RFTN1: variants seen among roughly 807,000 people sequenced by gnomAD.
RFTN1 encodes the protein raftlin, lipid raft linker 1, also known as raftlin.
A neutral mutation model predicts 46.5 loss-of-function variants in RFTN1; 26 were observed. That is an observed-to-expected ratio of 0.56 (90% CI 0.41 to 0.78). The LOEUF is 0.78. Among genes scored for constraint, RFTN1 ranks in the 30% least tolerant of loss-of-function variants. The pLI, the probability that RFTN1 is intolerant of heterozygous loss-of-function variation, is 0.00. For missense variants in RFTN1, 693 were observed against 718.7 expected, an observed-to-expected ratio of 0.96 and a Z score of 0.41; for synonymous variants, 261 against 284.2, an observed-to-expected ratio of 0.92 and a Z score of 0.82.
At chr3:16,377,566 G>C (rs2073824809) in intron 5 of RFTN1, 152 bp downstream of exon 5, 1 of 1,274,790 alleles carries the variant, frequency 7.8e-7, no homozygotes, top group Admixed American at 2.8e-5. Flanking sequence ...AGGTGGCACA[G>C]ATAACTGCTT....
intron 7 of RFTN1, chr3:16,347,542 TCTCTA>T (rs1166071715): frequency 6.6e-6 from 1 of 152,216 alleles, no homozygotes; most frequent in African/African-American, 2.4e-5. Flanking sequence ...CATTTTCAAC[TCTCTA>T]CTCTGCCTTC....
At chr3:16,472,128 A>C (rs970199513) in intron 2 of RFTN1, 2 of 152,136 alleles carry the variant, frequency 1.3e-5, no homozygotes, top group Admixed American at 6.5e-5. Context: ...GCTGTTAAAA[A>C]AAAAAAAGGC....
intron 7 of RFTN1, among the ~76,000 whole-genome samples, chr3:16,333,114 A>G (rs2070489815): frequency 6.6e-6 from 1 of 152,248 alleles, no homozygotes; most frequent in Non-Finnish European, 1.5e-5. Context: ...TTTGTAAAGC[A>G]CATCATAGCA....
In RFTN1 at chr3:16,322,671, G is replaced by A. The variant is rs1001379634; in HGVS notation, c.1332+705C>T. Among the ~76,000 whole-genome samples, 2 of 152,198 alleles carry A rather than the reference G, an allele frequency of 1.3e-5. No individual in the cohort carries two copies. Among genetic ancestry groups the A allele is most frequent in the African/African-American group, 2.4e-5 (1 of 41,448 alleles). On this transcript the variant is annotated intron_variant, in intron 9 of 9. Coordinates refer to ENST00000334133, the MANE Select transcript of RFTN1 (RefSeq NM_015150.2). The surrounding 1 kb of genome is among the most constrained non-coding windows in gnomAD (Gnocchi z 6.2). ...GAAGCATCAGAATCATCTGGCACAAGGGTTGCCGACACTTGCACCTCGTAC... is the reference window on the plus strand; with the variant it reads ...GAAGCATCAGAATCATCTGGCACAAAGGTTGCCGACACTTGCACCTCGTAC...
rs11447361 is a variant in RFTN1, at chr3:16,418,500, C to CAA, written c.333-9019_333-9018dup. Among the ~76,000 whole-genome samples the CAA allele has an allele frequency of 1.6e-4, 24 of 149,304 alleles. No homozygotes were observed. The highest frequency in any genetic ancestry group is 4.9e-4 in the African/African-American group (20 of 40,696). ...TATTTTTGCTTCATTTAGAAATAAT[C>CAA]AAAAAAAAATGGTGACAAACACAAA... On this transcript the variant is annotated intron_variant, in intron 3 of 9. Transcript: ENST00000334133. The surrounding 1 kb of genome is among the most constrained non-coding windows in gnomAD (Gnocchi z 5.0).
chr3:16,485,810 G>A (rs895711063), intron 2 of RFTN1, among the ~76,000 whole-genome samples: 9 of 152,192 alleles, frequency 5.9e-5, no homozygotes, highest in East Asian at 1.9e-4. Flanking sequence ...ATATCACTGC[G>A]ACACCCTTCA....
At chr3:16,349,148 A>G (rs891151713) in intron 7 of RFTN1, 1 of 152,226 alleles carries the variant, frequency 6.6e-6, no homozygotes. Context: ...TGTATAAACT[A>G]AGCTTTTCTC....
At position 16,427,297 on chromosome 3, in the gene RFTN1, G is replaced by A. The variant is rs150931782; in HGVS notation, c.332+6554C>T. Among the ~76,000 whole-genome samples, 828 of 152,314 alleles carry A rather than the reference G, an allele frequency of 5.4e-3. 7 individuals carry two copies. The highest frequency in any genetic ancestry group is 0.024 in the Middle Eastern group (7 of 290). ...CTTCCCAAGAGTCCCCATTCAATGA[G>A]CCAGGCCACTGTAGGGATCTGAGCT... On this transcript the variant is annotated intron_variant, in intron 3 of 9. Coordinates refer to ENST00000334133, the MANE Select transcript of RFTN1 (RefSeq NM_015150.2). This position sits in a 1 kb window ranked among gnomAD's most constrained non-coding sequence, Gnocchi z 5.4.
In RFTN1 at chr3:16,320,579, C is replaced by T. The variant is rs1160205181; in HGVS notation, c.1332+2797G>A. Among the ~76,000 whole-genome samples the T allele has an allele frequency of 6.6e-6, 1 of 152,166 alleles. No homozygotes were observed. Among genetic ancestry groups the T allele is most frequent in the Non-Finnish European group, 1.5e-5 (1 of 68,032 alleles). On this transcript the variant is annotated intron_variant, in intron 9 of 9. Transcript: ENST00000334133. This position sits in a 1 kb window ranked among gnomAD's most constrained non-coding sequence, Gnocchi z 4.5. The stretch of plus-strand genomic sequence containing the variant: ...ATAATGATCACAAATAACTAAAAGC[C>T]CAAAGGAGAGCTCTGAAGGAGAAGA...
chr3:16,433,557 C>T lies in RFTN1; in HGVS notation c.332+294G>A, dbSNP rs552291484. 6.6e-6 allele frequency among the ~76,000 whole-genome samples: 1 copy of T among 152,284 alleles called. No homozygotes were observed. Among genetic ancestry groups the T allele is most frequent in the South Asian group, 2.1e-4 (1 of 4,824 alleles). ...CTAGCCACATCATTCTGGGCATATG[C>T]TTCTTCTGAGGAGACATTTTTCTAG... On this transcript the variant is annotated intron_variant, in intron 3 of 9. Coordinates refer to ENST00000334133, the MANE Select transcript of RFTN1 (RefSeq NM_015150.2). This position sits in a 1 kb window ranked among gnomAD's most constrained non-coding sequence, Gnocchi z 4.4.
intron 9 of RFTN1, among the ~76,000 whole-genome samples, chr3:16,318,855 C>T (rs1017238499): frequency 6.6e-6 from 1 of 152,184 alleles, no homozygotes; most frequent in Non-Finnish European, 1.5e-5. Flanking sequence ...ATGGGTGGAG[C>T]TTCTTCCACC....
At chr3:16,363,347 A>C (rs2072950025) in intron 6 of RFTN1, among the ~76,000 whole-genome samples, 1 of 152,234 alleles carries the variant, frequency 6.6e-6, no homozygotes, top group Non-Finnish European at 1.5e-5. Flanking sequence ...TATGGAAAAC[A>C]TTCCATTATC....
rs894832508 is a variant in RFTN1 at position 16,342,923 on chromosome 3, T to A, written c.1146+15009A>T. Among the ~76,000 whole-genome samples the A allele has an allele frequency of 5.3e-5, 8 of 152,164 alleles. No homozygotes were observed. The highest frequency in any genetic ancestry group is 1.9e-4 in the African/African-American group (8 of 41,430). On this transcript the variant is annotated intron_variant, in intron 7 of 9. Transcript: ENST00000334133. The surrounding 1 kb of genome is among the most constrained non-coding windows in gnomAD (Gnocchi z 4.0). ...GTCTCGATCTCAGCTCACTGCAGCC[T>A]CAACCTCCCAGGCTCAAGTGAGCCT...
rs143553324 is a variant in RFTN1 at position 16,481,801 on chromosome 3, C to T, written c.145+11924G>A. Among the ~76,000 whole-genome samples the T allele has an allele frequency of 6.6e-6, 1 of 152,044 alleles. No individual in the cohort carries two copies. Among genetic ancestry groups the T allele is most frequent in the Non-Finnish European group, 1.5e-5 (1 of 68,010 alleles). Reference sequence around the variant, plus strand: ...CAATGTTACCTAGAGGAGCAAGGAGCGATTTTCTAGGAAAGAAAAATGTTT... The same window carrying T: ...CAATGTTACCTAGAGGAGCAAGGAGTGATTTTCTAGGAAAGAAAAATGTTT... On this transcript the variant is annotated intron_variant, in intron 2 of 9. Coordinates refer to ENST00000334133, the MANE Select transcript of RFTN1 (RefSeq NM_015150.2). This position sits in a 1 kb window ranked among gnomAD's most constrained non-coding sequence, Gnocchi z 5.1.
Position 16,491,777 on chromosome 3 carries a change from A to G in RFTN1, c.145+1948T>C, listed in dbSNP as rs2076542422. Among the ~76,000 whole-genome samples, 3 of 150,244 alleles carry G rather than the reference A, an allele frequency of 2.0e-5. No homozygotes were observed. The South Asian group carries it at 6.3e-4, about 32-fold the overall frequency. The stretch of plus-strand genomic sequence containing the variant: ...ACAAACAAACAAACAAACAAAACAA[A>G]CAAAAAAAAAAAACAACTGCAAATG... On this transcript the variant is annotated intron_variant, in intron 2 of 9. Transcript: ENST00000334133.
intron 4 of RFTN1, among the ~76,000 whole-genome samples, chr3:16,391,860 TTTTTTTTTG>T (rs2074349030): frequency 7.2e-5 from 2 of 27,648 alleles, no homozygotes; most frequent in East Asian, 1.3e-3. Context: ...GTGCAAAGGT[TTTTTTTTTG>T]TTTTTTTTTT....
In RFTN1 at chr3:16,447,421, C is replaced by T. The variant is rs1054472365; in HGVS notation, c.146-13384G>A. Among the ~76,000 whole-genome samples, 2 of 152,194 alleles carry T rather than the reference C, an allele frequency of 1.3e-5. No homozygotes were observed. Among genetic ancestry groups the T allele is most frequent in the African/African-American group, 4.8e-5 (2 of 41,434 alleles). Reference sequence around the variant, plus strand: ...ATCATACACACGAGTTGAGCAGCTCCGGCTCCATTAACCAATTTGCATGCA... The same window carrying T: ...ATCATACACACGAGTTGAGCAGCTCTGGCTCCATTAACCAATTTGCATGCA... On this transcript the variant is annotated intron_variant, in intron 2 of 9. Coordinates refer to ENST00000334133, the MANE Select transcript of RFTN1 (RefSeq NM_015150.2). This position sits in a 1 kb window ranked among gnomAD's most constrained non-coding sequence, Gnocchi z 5.9.
At position 16,377,996 on chromosome 3, in the gene RFTN1, C is replaced by G; in HGVS notation, c.548G>C (p.Ser183Thr). 1.2e-6 allele frequency: 2 copies of G among 1,614,266 alleles called. No homozygotes were observed. Among genetic ancestry groups the G allele is most frequent in the Non-Finnish European group, 1.7e-6 (2 of 1,180,048 alleles). The change falls in exon 5 of 10, where the codon AGC becomes ACC. Residue 183 changes from serine (S) to threonine (T), a missense_variant. Coordinates refer to ENST00000334133, the MANE Select transcript of RFTN1 (RefSeq NM_015150.2). Reference sequence around the variant, plus strand: ...TTTTGCATCTCTGGCATCCTCGGTGCTGTTGGCAGTAGACACCGGAGCACT... The same window carrying G: ...TTTTGCATCTCTGGCATCCTCGGTGGTGTTGGCAGTAGACACCGGAGCACT... ...GSSAPVSTAN[S>T]TEDARDAKNA...
At position 16,361,189 on chromosome 3, in the gene RFTN1, T is replaced by A. The variant is rs1405717665; in HGVS notation, c.1031-3142A>T. Reference sequence around the variant, plus strand: ...TTAGTGTAATCTAAATAGAAAAACTTCCCTTAGAGGAGTCTAAAAATGGCA... The same window carrying A: ...TTAGTGTAATCTAAATAGAAAAACTACCCTTAGAGGAGTCTAAAAATGGCA... On this transcript the variant is annotated intron_variant, in intron 6 of 9. Coordinates refer to ENST00000334133, the MANE Select transcript of RFTN1 (RefSeq NM_015150.2). This position sits in a 1 kb window ranked among gnomAD's most constrained non-coding sequence, Gnocchi z 4.3. Among the ~76,000 whole-genome samples, 1 of 152,168 alleles carries A rather than the reference T, an allele frequency of 6.6e-6. No individual in the cohort carries two copies. The highest frequency in any genetic ancestry group is 1.5e-5 in the Non-Finnish European group (1 of 68,034).
Sources: allele counts gnomAD v4.1 joint callset (sites outside exome capture counted in the v4.1 genomes callset), GRCh38; gene constraint gnomAD v4.1.1; non-coding constraint Gnocchi (gnomAD v3.1); transcripts MANE v1.5; gene names NCBI Gene and HGNC (gene_info 2026-07-23, HGNC 2026-07-21).